PRKCA: variants seen among roughly 807,000 people sequenced by gnomAD.
PRKCA encodes the protein protein kinase C alpha, also known as protein kinase C alpha type.
Under a neutral mutation model 87.0 loss-of-function variants are expected in PRKCA, and 27 were observed. That is an observed-to-expected ratio of 0.31 (90% CI 0.23 to 0.43). The LOEUF is 0.43. PRKCA is among the 20% of genes least tolerant of loss of function. The pLI is 1.00. For missense variants in PRKCA, 518 were observed against 852.3 expected, an observed-to-expected ratio of 0.61 and a Z score of 4.88; for synonymous variants, 329 against 311.1, an observed-to-expected ratio of 1.06 and a Z score of -0.61.
intron 5 of PRKCA, among the ~76,000 whole-genome samples, chr17:66,685,715 A>G (rs1972609677): frequency 6.6e-6 from 1 of 152,170 alleles, no homozygotes; most frequent in Admixed American, 6.5e-5. Flanking sequence ...CAAAGACCCA[A>G]CATCTTTAGG....
At chr17:66,799,844 C>G (rs1385741659) in intron 16 of PRKCA, among the ~76,000 whole-genome samples, 1 of 152,010 alleles carries the variant, frequency 6.6e-6, no homozygotes, top group Non-Finnish European at 1.5e-5. Context: ...GGCAGACCTT[C>G]TATGGTGGAA....
At chr17:66,734,511 A>G (rs9899787) in intron 9 of PRKCA, among the ~76,000 whole-genome samples, 16,449 of 152,198 alleles carry the variant, frequency 0.11, 1,070 homozygotes, top group East Asian at 0.29. Flanking sequence ...AATAATGCAT[A>G]TAATGAGCAA....
chr17:66,370,942 A>G (rs932155487), intron 2 of PRKCA, among the ~76,000 whole-genome samples: 1 of 152,178 alleles, frequency 6.6e-6, no homozygotes, highest in African/African-American at 2.4e-5. Context: ...GATAAGCTAG[A>G]TGCAGGGGCA....
intron 2 of PRKCA, among the ~76,000 whole-genome samples, chr17:66,371,449 A>G (rs1319635019): frequency 6.6e-6 from 1 of 152,224 alleles, no homozygotes; most frequent in African/African-American, 2.4e-5. Context: ...TGAACCTGAG[A>G]GAGACAGTCT....
At chr17:66,369,906 C>A (rs1908992416) in intron 2 of PRKCA, among the ~76,000 whole-genome samples, 1 of 152,260 alleles carries the variant, frequency 6.6e-6, no homozygotes, top group Non-Finnish European at 1.5e-5. Flanking sequence ...GTTTGCATCA[C>A]TGCCAGGAGA....
chr17:66,374,236 G>A (rs943799339), intron 2 of PRKCA, among the ~76,000 whole-genome samples: 2 of 152,106 alleles, frequency 1.3e-5, no homozygotes, highest in East Asian at 1.9e-4. Flanking sequence ...CCTCCAGCTC[G>A]CCCCGCCTGA....
chr17:66,417,138 G>A (rs2143772488), intron 2 of PRKCA, among the ~76,000 whole-genome samples: 1 of 152,100 alleles, frequency 6.6e-6, no homozygotes, highest in African/African-American at 2.4e-5. Flanking sequence ...GAGCTCAAGT[G>A]ATCCATTTGC....
chr17:66,371,914 T>G (rs1909133139), intron 2 of PRKCA, among the ~76,000 whole-genome samples: 1 of 152,224 alleles, frequency 6.6e-6, no homozygotes, highest in Admixed American at 6.5e-5. Flanking sequence ...TCATATTTTT[T>G]GTTAAATTGA....
chr17:66,711,009 C>T (rs1973312765), intron 8 of PRKCA, among the ~76,000 whole-genome samples: 1 of 152,004 alleles, frequency 6.6e-6, no homozygotes, highest in Non-Finnish European at 1.5e-5. Context: ...CACCATTGCA[C>T]TCCAGTCTGG....
intron 8 of PRKCA, among the ~76,000 whole-genome samples, chr17:66,728,519 T>C (rs930286575): frequency 2.0e-5 from 3 of 152,242 alleles, no homozygotes; most frequent in Admixed American, 1.3e-4. Context: ...GTGATTGATT[T>C]GAGACCTGAG....
At chr17:66,465,587 T>G (rs1915050001) in intron 2 of PRKCA, among the ~76,000 whole-genome samples, 1 of 150,980 alleles carries the variant, frequency 6.6e-6, no homozygotes, top group African/African-American at 2.4e-5. Context: ...TAAGTAGAGA[T>G]GAAGTCTTGC....
At chr17:66,584,228 GT>G (rs1350054319) in intron 3 of PRKCA, among the ~76,000 whole-genome samples, 1 of 151,988 alleles carries the variant, frequency 6.6e-6, no homozygotes, top group East Asian at 1.9e-4. Context: ...TTTGGCTTTT[GT>G]TTTTGTTTTT....
At chr17:66,610,699 C>A (rs1273427176) in intron 3 of PRKCA, among the ~76,000 whole-genome samples, 1 of 152,174 alleles carries the variant, frequency 6.6e-6, no homozygotes, top group Admixed American at 6.5e-5. Context: ...ATCGCAAGAG[C>A]ACACCGAACA....
chr17:66,642,002 G>C (rs1022511478), intron 4 of PRKCA, among the ~76,000 whole-genome samples: 3 of 152,130 alleles, frequency 2.0e-5, no homozygotes, highest in Non-Finnish European at 4.4e-5. Flanking sequence ...ATGTGTATTA[G>C]CCTGGCTCAA....
rs575827362 is a variant in PRKCA at position 66,383,071 on chromosome 17, T to A, written c.205+76944T>A. ...GCATTATATCCTAACAGAGTAATTT[T>A]GTAATTTTCAAAATTTTTAAAATTC... On this transcript the variant is annotated intron_variant, in intron 2 of 16. Coordinates refer to ENST00000413366, the MANE Select transcript of PRKCA (RefSeq NM_002737.3). Among the ~76,000 whole-genome samples, 75 of 125,940 alleles carry A rather than the reference T, an allele frequency of 6.0e-4. 1 individual carries two copies. In the South Asian group the frequency reaches 0.018, roughly 31 times the overall value. The allele number at this position is 125,940 out of a possible 152,430, so 82.6% of individuals were successfully genotyped here. A position where few individuals can be genotyped will look rare whatever the true frequency, so the allele number is the denominator to read the frequency against.
chr17:66,404,160 A>G (rs1911209178), intron 2 of PRKCA: 1 of 152,180 alleles, frequency 6.6e-6, no homozygotes, highest in Non-Finnish European at 1.5e-5. Flanking sequence ...GAAAACTACA[A>G]TTCCTGGGTG....
chr17:66,605,176 A>C (rs1970170967), intron 3 of PRKCA, among the ~76,000 whole-genome samples: 1 of 152,342 alleles, frequency 6.6e-6, no homozygotes. Flanking sequence ...GTATTGCAGT[A>C]ACAAGGACAA....
rs1164521068 is a variant in PRKCA at position 66,781,862 on chromosome 17, GAGAGAGATAT to G, written c.1606-5003_1606-4994del. 4.3e-3 allele frequency among the ~76,000 whole-genome samples: 490 copies of G among 113,254 alleles called. 3 individuals carry two copies. Among genetic ancestry groups the G allele is most frequent in the African/African-American group, 0.017 (429 of 25,466 alleles). 74.3% of individuals were successfully genotyped at this position (113,254 alleles called of 152,430 possible). On this transcript the variant is annotated intron_variant, in intron 14 of 16. Transcript: ENST00000413366. Reference sequence around the variant, plus strand: ...TGGTAAATTTTGTGAGAGAGAGAGAGAGAGAGATATATATATATATATATAGTGTGTGTGT... The same window carrying G: ...TGGTAAATTTTGTGAGAGAGAGAGAGATATATATATATATAGTGTGTGTGT...
At chr17:66,781,885 A>G (rs1399446801) in intron 14 of PRKCA, among the ~76,000 whole-genome samples, 2,936 of 131,174 alleles carry the variant, frequency 0.022, 50 homozygotes, top group African/African-American at 0.075. Flanking sequence ...ATATATATAT[A>G]TAGTGTGTGT....
Sources: allele counts gnomAD v4.1 joint callset (sites outside exome capture counted in the v4.1 genomes callset), GRCh38; gene constraint gnomAD v4.1.1; transcripts MANE v1.5; gene names NCBI Gene and HGNC (gene_info 2026-07-23, HGNC 2026-07-21).